Variants in LRRTM4 observed in about 807,000 individuals in gnomAD.
The protein encoded by LRRTM4 is leucine rich repeat transmembrane neuronal 4, also known as leucine-rich repeat transmembrane neuronal protein 4.
A neutral mutation model predicts 47.6 loss-of-function variants in LRRTM4; 25 were observed. The observed-to-expected ratio is 0.53, with a 90% CI of 0.38 to 0.73. The LOEUF is 0.73. LRRTM4 is among the 30% of genes least tolerant of loss of function. The probability of loss-of-function intolerance (pLI) is 0.00; values close to 1 mark genes in which losing one functional copy is unlikely to be tolerated. For synonymous variants in LRRTM4, 311 were observed against 269.5 expected (o/e 1.15, Z -1.51); for missense variants, 638 against 713.4 (o/e 0.89, Z 1.20).
At chr2:76,813,256 C>G (rs1394031423) in intron 3 of LRRTM4, among the ~76,000 whole-genome samples, 3 of 152,084 alleles carry the variant, frequency 2.0e-5, no homozygotes, top group Admixed American at 6.6e-5. Flanking sequence ...GGAAATCACC[C>G]CACTGGGGAA....
At position 77,198,550 on chromosome 2, in the gene LRRTM4, G is replaced by A. The variant is rs372777015; in HGVS notation, c.1551+319768C>T. ...AAGATTAATTGTGATTCCATCAATT[G>A]AAGTTGAACATTTTCTATTTGGAGA... On this transcript the variant is annotated intron_variant, in intron 3 of 3. Transcript: ENST00000409884. 3.0e-4 allele frequency among the ~76,000 whole-genome samples: 46 copies of A among 152,264 alleles called. No individual in the cohort carries two copies. The South Asian group carries it at 9.3e-3, about 31-fold the overall frequency.
intron 3 of LRRTM4, among the ~76,000 whole-genome samples, chr2:76,842,550 T>G (rs1053049816): frequency 6.6e-6 from 1 of 152,160 alleles, no homozygotes; most frequent in Admixed American, 6.5e-5. Context: ...CTCAGAACAT[T>G]AGCCTACTGT....
chr2:77,121,211 T>G (rs1172145435), intron 3 of LRRTM4, among the ~76,000 whole-genome samples: 1 of 151,820 alleles, frequency 6.6e-6, no homozygotes, highest in Non-Finnish European at 1.5e-5. Context: ...TTATCCTAAA[T>G]TTTGTTTTAC....
intron 3 of LRRTM4, among the ~76,000 whole-genome samples, chr2:77,114,901 C>T (rs1572976460): frequency 6.6e-6 from 1 of 152,060 alleles, no homozygotes; most frequent in Admixed American, 6.5e-5. Context: ...GGTCTATGTC[C>T]CGCTGTGCAT....
At chr2:76,968,990 G>A (rs1004966643) in intron 3 of LRRTM4, among the ~76,000 whole-genome samples, 1 of 151,832 alleles carries the variant, frequency 6.6e-6, no homozygotes, top group Non-Finnish European at 1.5e-5. Flanking sequence ...TAAAGAGACC[G>A]CTGCCTTTAT....
intron 3 of LRRTM4, among the ~76,000 whole-genome samples, chr2:76,814,590 GTTGTATTAGGTATTA>G (rs1455117030): frequency 1.3e-5 from 2 of 152,064 alleles, no homozygotes; most frequent in East Asian, 3.9e-4. Context: ...TAGAATTCAT[GTTGTATTAGGTATTA>G]TAAGTAATTG....
At chr2:77,114,477 G>GTA (rs1040752999) in intron 3 of LRRTM4, among the ~76,000 whole-genome samples, 2 of 152,186 alleles carry the variant, frequency 1.3e-5, no homozygotes, top group African/African-American at 4.8e-5. Context: ...TTGTCAGGGA[G>GTA]TAGAACAATC....
chr2:77,371,631 T>C lies in LRRTM4; in HGVS notation c.1551+146687A>G, dbSNP rs539197407. Reference sequence around the variant, plus strand: ...GTGACCTTCTTCTTGCTCTAAGCCATGCTTTACTCCGGTTTTTGGGGGGTC... The same window carrying C: ...GTGACCTTCTTCTTGCTCTAAGCCACGCTTTACTCCGGTTTTTGGGGGGTC... On this transcript the variant is annotated intron_variant, in intron 3 of 3. Coordinates refer to ENST00000409884, the MANE Select transcript of LRRTM4 (RefSeq NM_001134745.3). Among the ~76,000 whole-genome samples, 17 of 151,826 alleles carry C rather than the reference T, an allele frequency of 1.1e-4. No individual in the cohort carries two copies. In the South Asian group the frequency reaches 2.7e-3, roughly 24 times the overall value.
At chr2:77,076,736 T>C (rs564472439) in intron 3 of LRRTM4, among the ~76,000 whole-genome samples, 11 of 152,334 alleles carry the variant, frequency 7.2e-5, no homozygotes, top group African/African-American at 1.4e-4. Context: ...CCATATTCTT[T>C]AGTTTTTAAG....
intron 3 of LRRTM4, among the ~76,000 whole-genome samples, chr2:76,942,538 G>A (rs1675182386): frequency 6.8e-6 from 1 of 147,650 alleles, no homozygotes; most frequent in Non-Finnish European, 1.5e-5. Flanking sequence ...GTTTCAGCCA[G>A]ATAAAATAGA....
chr2:76,944,291 G>A (rs923811589), intron 3 of LRRTM4, among the ~76,000 whole-genome samples: 1 of 152,020 alleles, frequency 6.6e-6, no homozygotes, highest in African/African-American at 2.4e-5. Context: ...CCTTCAGTCA[G>A]CCTTCTCTGA....
chr2:76,858,892 G>C (rs538181634), intron 3 of LRRTM4, among the ~76,000 whole-genome samples: 1 of 152,132 alleles, frequency 6.6e-6, no homozygotes, highest in South Asian at 2.1e-4. Context: ...TCAGAACTTT[G>C]GAACTTCAAG....
At chr2:77,352,815 T>A (rs777600696) in intron 3 of LRRTM4, among the ~76,000 whole-genome samples, 5 of 151,864 alleles carry the variant, frequency 3.3e-5, no homozygotes, top group Non-Finnish European at 4.4e-5. Flanking sequence ...AGAAGACTAA[T>A]AGAGAAACAA....
chr2:77,107,922 GT>G (rs1337107530), intron 3 of LRRTM4, among the ~76,000 whole-genome samples: 2 of 151,296 alleles, frequency 1.3e-5, no homozygotes, highest in African/African-American at 4.9e-5. Flanking sequence ...ATTATAAGTT[GT>G]TTAGAAAATA....
intron 3 of LRRTM4, among the ~76,000 whole-genome samples, chr2:76,897,397 T>A (rs558247106): frequency 6.6e-6 from 1 of 151,958 alleles, no homozygotes; most frequent in Non-Finnish European, 1.5e-5. Flanking sequence ...ACCAACTCTA[T>A]TGGGCATAAA....
chr2:76,794,885 G>C (rs1243215108), intron 3 of LRRTM4, among the ~76,000 whole-genome samples: 2 of 148,272 alleles, frequency 1.3e-5, no homozygotes, highest in Non-Finnish European at 3.0e-5. Context: ...TTCTGATTAA[G>C]AACCACAGTT....
At chr2:76,782,218 G>A (rs905803733) in intron 3 of LRRTM4, among the ~76,000 whole-genome samples, 2 of 152,146 alleles carry the variant, frequency 1.3e-5, no homozygotes, top group South Asian at 2.1e-4. Context: ...TTGCTGCAGC[G>A]ATGGCTTCAC....
intron 3 of LRRTM4, among the ~76,000 whole-genome samples, chr2:77,090,099 C>T (rs958414021): frequency 6.6e-6 from 1 of 152,170 alleles, no homozygotes; most frequent in Non-Finnish European, 1.5e-5. Context: ...TCTTCCTCCG[C>T]CTCTGCTCCT....
chr2:76,838,426 C>T (rs1671579302), intron 3 of LRRTM4, among the ~76,000 whole-genome samples: 1 of 151,916 alleles, frequency 6.6e-6, no homozygotes, highest in Non-Finnish European at 1.5e-5. Flanking sequence ...TGAGTAGGGA[C>T]AAATAATGTA....
Sources: allele counts gnomAD v4.1 joint callset (sites outside exome capture counted in the v4.1 genomes callset), GRCh38; gene constraint gnomAD v4.1.1; transcripts MANE v1.5; gene names NCBI Gene and HGNC (gene_info 2026-07-23, HGNC 2026-07-21).